B3GALT1: variants seen among roughly 807,000 people sequenced by gnomAD.
B3GALT1 encodes UDP-Gal:betaGlcNAc beta 1,3-galactosyltransferase, polypeptide 1.
Under a neutral mutation model 23.2 loss-of-function variants are expected in B3GALT1, and 10 were observed. The ratio of observed to expected loss-of-function variants is 0.43; its 90% confidence interval spans 0.27 to 0.73. The LOEUF (loss-of-function observed/expected upper bound fraction) is 0.73. Ranked by LOEUF, B3GALT1 falls within the 30% of genes least tolerant of loss-of-function variation. The probability of loss-of-function intolerance (pLI) is 0.21; values close to 1 mark genes in which losing one functional copy is unlikely to be tolerated. For missense variants in B3GALT1, 299 were observed against 405.4 expected (o/e 0.74, Z 2.25); for synonymous variants, 156 against 141.5 (o/e 1.10, Z -0.73).
rs111822846 is a variant in B3GALT1, at chr2:167,350,273, A to G, written c.-511+56939A>G. 3.6e-3 allele frequency among the ~76,000 whole-genome samples: 554 copies of G among 152,338 alleles called. 2 individuals carry two copies. The highest frequency in any genetic ancestry group is 0.012 in the African/African-American group (516 of 41,568). Reference sequence around the variant, plus strand: ...CAGTTTGTTCATCATTTGAAGATGAAGATAATAGCACATAGCCTGCCTACC... The same window carrying G: ...CAGTTTGTTCATCATTTGAAGATGAGGATAATAGCACATAGCCTGCCTACC... On this transcript the variant is annotated intron_variant, in intron 1 of 4. Transcript: ENST00000392690.
intron 2 of B3GALT1, among the ~76,000 whole-genome samples, chr2:167,501,412 A>C (rs1393791941): frequency 6.6e-6 from 1 of 151,964 alleles, no homozygotes; most frequent in Non-Finnish European, 1.5e-5. Flanking sequence ...AAGATGTTCA[A>C]TTGCAATTCC....
rs923705519 is a variant in B3GALT1, at chr2:167,752,400, T to G, written c.-351-66272T>G. Among the ~76,000 whole-genome samples the G allele has an allele frequency of 2.0e-5, 3 of 152,188 alleles. No individual in the cohort carries two copies. The South Asian group carries it at 6.2e-4, about 32-fold the overall frequency. ...AGGAGAATACTTAATAGTAATTTTA[T>G]AAAGGCCGTGTAAATGTAAAGCATA... On this transcript the variant is annotated intron_variant, in intron 3 of 4. Transcript: ENST00000392690.
intron 3 of B3GALT1, among the ~76,000 whole-genome samples, chr2:167,647,786 T>A (rs1275123224): frequency 6.6e-6 from 1 of 152,120 alleles, no homozygotes. Flanking sequence ...TTTCTTTATT[T>A]TTTAAATTTT....
intron 3 of B3GALT1, among the ~76,000 whole-genome samples, chr2:167,746,212 C>G (rs967896045): frequency 6.6e-6 from 1 of 152,106 alleles, no homozygotes; most frequent in South Asian, 2.1e-4. Context: ...TGCTGTGCAA[C>G]TGATTTGTTC....
chr2:167,835,537 A>G (rs1052648780), intron 4 of B3GALT1, among the ~76,000 whole-genome samples: 1 of 152,222 alleles, frequency 6.6e-6, no homozygotes, highest in Non-Finnish European at 1.5e-5. Context: ...GGGAAGCTCC[A>G]ACTGGGTGGA....
At chr2:167,604,001 G>A (rs934308331) in intron 2 of B3GALT1, among the ~76,000 whole-genome samples, 11 of 151,736 alleles carry the variant, frequency 7.2e-5, no homozygotes, top group Admixed American at 5.9e-4. Context: ...AATGAGAAAT[G>A]TTCTATAGAA....
intron 2 of B3GALT1, among the ~76,000 whole-genome samples, chr2:167,553,454 G>A (rs1012015124): frequency 1.3e-5 from 2 of 151,566 alleles, no homozygotes; most frequent in African/African-American, 2.4e-5. Flanking sequence ...CTGTGCAGTG[G>A]CAGATCTCGA....
intron 3 of B3GALT1, among the ~76,000 whole-genome samples, chr2:167,740,718 T>A (rs751717078): frequency 5.9e-5 from 9 of 152,194 alleles, no homozygotes; most frequent in Non-Finnish European, 1.3e-4. Context: ...TATTACTAAT[T>A]TAAATAAGTA....
At chr2:167,522,469 C>A (rs755173828) in intron 2 of B3GALT1, among the ~76,000 whole-genome samples, 1 of 152,044 alleles carries the variant, frequency 6.6e-6, no homozygotes, top group Non-Finnish European at 1.5e-5. Context: ...ACACATTTTT[C>A]TAGATTTTTC....
intron 1 of B3GALT1, among the ~76,000 whole-genome samples, chr2:167,485,667 C>A (rs1416379028): frequency 6.6e-6 from 1 of 152,118 alleles, no homozygotes; most frequent in African/African-American, 2.4e-5. Context: ...ATGAAGACTG[C>A]CACATCCTAG....
Position 167,420,795 on chromosome 2 carries a change from A to G in B3GALT1, c.-510-69382A>G, listed in dbSNP as rs1698535395. ...CCCAAAGCTGCTTTTTTGAGGGACA[A>G]ATGATGCATACTTTGTTAAGGTCTA... is the stretch of plus-strand genomic sequence containing the variant. On this transcript the variant is annotated intron_variant, in intron 1 of 4. Transcript: ENST00000392690. 2.6e-5 allele frequency among the ~76,000 whole-genome samples: 4 copies of G among 152,328 alleles called. No homozygotes were observed. In the South Asian group the frequency reaches 8.3e-4, roughly 32 times the overall value.
At chr2:167,714,591 C>G in intron 3 of B3GALT1, 1 of 1,613,656 alleles carries the variant, frequency 6.2e-7, no homozygotes, top group Non-Finnish European at 8.5e-7. Context: ...GATTTAAACT[C>G]TGTTTCAGTT....
chr2:167,435,396 G>C (rs961756176), intron 1 of B3GALT1, among the ~76,000 whole-genome samples: 11 of 93,596 alleles, frequency 1.2e-4, no homozygotes, highest in African/African-American at 4.4e-4. Flanking sequence ...GGGAAGAAAA[G>C]CCTTTTTCTT....
intron 2 of B3GALT1, among the ~76,000 whole-genome samples, chr2:167,574,196 C>T (rs548189315): frequency 6.6e-6 from 1 of 151,714 alleles, no homozygotes; most frequent in South Asian, 2.1e-4. Context: ...AAAAAACAGT[C>T]TACAAGGGCA....
intron 3 of B3GALT1, among the ~76,000 whole-genome samples, chr2:167,794,142 A>T (rs1688498071): frequency 6.6e-6 from 1 of 152,088 alleles, no homozygotes; most frequent in South Asian, 2.1e-4. Flanking sequence ...ACATTCTAGG[A>T]CTCTGCTTCT....
intron 4 of B3GALT1, among the ~76,000 whole-genome samples, chr2:167,832,932 G>T (rs1393998471): frequency 6.6e-6 from 1 of 152,212 alleles, no homozygotes; most frequent in Non-Finnish European, 1.5e-5. Flanking sequence ...CACCATTAGA[G>T]GTGACAGCAG....
intron 2 of B3GALT1, among the ~76,000 whole-genome samples, chr2:167,563,339 G>A (rs1322691168): frequency 3.5e-5 from 5 of 144,250 alleles, no homozygotes; most frequent in East Asian, 4.8e-4. Context: ...CGGAAGGGGC[G>A]GCTGGCCGGG....
chr2:167,631,481 A>T (rs551589835), intron 2 of B3GALT1: 2 of 151,964 alleles, frequency 1.3e-5, no homozygotes, highest in South Asian at 4.1e-4. Flanking sequence ...AAGTATTTTT[A>T]TGGTTTTCTG....
chr2:167,482,273 AC>A (rs1343565932), intron 1 of B3GALT1, among the ~76,000 whole-genome samples: 1 of 152,214 alleles, frequency 6.6e-6, no homozygotes, highest in Non-Finnish European at 1.5e-5. Flanking sequence ...TTTTGGCTAC[AC>A]GGGGGCTTTC....
Sources: allele counts gnomAD v4.1 joint callset (sites outside exome capture counted in the v4.1 genomes callset), GRCh38; gene constraint gnomAD v4.1.1; transcripts MANE v1.5; gene names NCBI Gene and HGNC (gene_info 2026-07-23, HGNC 2026-07-21).